Variants in WDR17 observed in about 807,000 individuals in gnomAD.
WDR17 encodes the protein WD repeat domain 17.
In WDR17, 143 loss-of-function variants were observed where a neutral mutation model predicts 161.7. That is an observed-to-expected ratio of 0.88 (90% confidence interval 0.77 to 1.02). The LOEUF (loss-of-function observed/expected upper bound fraction) is 1.02, where lower values mean the gene tolerates loss of function less well. WDR17 is among the 50% of genes least tolerant of loss of function. The pLI is 0.00. For missense variants in WDR17, 1,469 were observed against 1,520.9 expected, an observed-to-expected ratio of 0.97 and a Z score of 0.57; for synonymous variants, 517 against 515.6, an observed-to-expected ratio of 1.00 and a Z score of -0.04.
intron 7 of WDR17, among the ~76,000 whole-genome samples, chr4:176,133,272 A>AAAG (rs1448749479): frequency 7.1e-5 from 9 of 127,432 alleles, no homozygotes; most frequent in Admixed American, 2.3e-4. Context: ...AAAAAAAAAA[A>AAAG]AAGAAGAAGA....
At chr4:176,148,516 T>G (rs1746563885) in intron 13 of WDR17, among the ~76,000 whole-genome samples, 181 bp downstream of exon 13, 1 of 152,206 alleles carries the variant, frequency 6.6e-6, no homozygotes, top group South Asian at 2.1e-4. Context: ...GAAGAAAAAG[T>G]CAACAAAAAT....
At chr4:176,171,564 G>A (rs184773412) in intron 23 of WDR17, among the ~76,000 whole-genome samples, 9 of 152,216 alleles carry the variant, frequency 5.9e-5, no homozygotes, top group Non-Finnish European at 1.0e-4. Context: ...AATTTGAAAT[G>A]ATTAAATGAA....
At chr4:176,179,311 AAAC>A (rs1173357697) in intron 28 of WDR17, 146 bp from the exon 29 acceptor site, 12 of 899,776 alleles carry the variant, frequency 1.3e-5, no homozygotes, top group Non-Finnish European at 1.8e-5. Context: ...CAGCTCAAAA[AAAC>A]TAATTTTCTC....
intron 5 of WDR17, among the ~76,000 whole-genome samples, chr4:176,127,796 C>A (rs1405360431): frequency 6.6e-6 from 1 of 152,160 alleles, no homozygotes; most frequent in Non-Finnish European, 1.5e-5. Flanking sequence ...TCCATTACTG[C>A]CTCCCTACAG....
chr4:176,169,880 T>C (rs1391345518), intron 23 of WDR17, among the ~76,000 whole-genome samples: 35 of 152,216 alleles, frequency 2.3e-4, no homozygotes, highest in Admixed American at 2.3e-3. Context: ...CACCTTGTAG[T>C]CTGTGAATTA....
chr4:176,104,037 A>T (rs1738273597), intron 1 of WDR17, among the ~76,000 whole-genome samples: 1 of 152,126 alleles, frequency 6.6e-6, no homozygotes, highest in South Asian at 2.1e-4. Context: ...ACACATACAT[A>T]CAGGGATCCT....
At position 176,163,315 on chromosome 4, in the gene WDR17, G is replaced by A. The variant is rs1361529563; in HGVS notation, c.2990+22G>A. On this transcript the variant is annotated intron_variant, in intron 22 of 28. Coordinates refer to ENST00000508596, the MANE Select transcript of WDR17 (RefSeq NM_181265.4). ...TATGGTAAGAATTTTGAAATTCAAA[G>A]AATAATTTCATAGTGATGGAATACA... 2.5e-6 allele frequency: 4 copies of A among 1,582,404 alleles called. No homozygotes were observed. The South Asian group carries it at 4.7e-5, about 18-fold the overall frequency.
chr4:176,122,921 G>T (rs1457603943), intron 4 of WDR17, among the ~76,000 whole-genome samples: 1 of 152,146 alleles, frequency 6.6e-6, no homozygotes, highest in African/African-American at 2.4e-5. Context: ...AGATGATCCA[G>T]CTGAGCTTTA....
At position 176,177,780 on chromosome 4, in the gene WDR17, A is replaced by G. The variant is rs939823737; in HGVS notation, c.3732+126A>G. ...TTTAGGACTGGGGTCCAGTAAGGAA[A>G]TATTACCTCTAGTGCTTCCATAGTT... On this transcript the variant is annotated intron_variant, in intron 28 of 28. Coordinates refer to ENST00000508596, the MANE Select transcript of WDR17 (RefSeq NM_181265.4). The G allele has an allele frequency of 4.7e-6, 4 of 858,310 alleles. No individual in the cohort carries two copies. In the African/African-American group the frequency reaches 7.0e-5, roughly 15 times the overall value. 53.2% of individuals were successfully genotyped at this position (858,310 alleles called of 1,614,324 possible). A position where few individuals can be genotyped will look rare whatever the true frequency, so the allele number is the denominator to read the frequency against.
chr4:176,162,177 A>C lies in WDR17; in HGVS notation c.2850+3A>C. 1 of 1,610,666 alleles carries C rather than the reference A, an allele frequency of 6.2e-7. No individual in the cohort carries two copies. The highest frequency in any genetic ancestry group is 8.5e-7 in the Non-Finnish European group (1 of 1,178,518). On this transcript the variant is annotated splice_donor_region_variant and intron_variant, in intron 21 of 28. Transcript: ENST00000508596. ...ATCTTGCCATAGATAATATTGAGGT[A>C]CGACATTTAAAACTGGTTTATGTGA... is the stretch of plus-strand genomic sequence containing the variant.
intron 2 of WDR17, among the ~76,000 whole-genome samples, 191 bp from the exon 3 acceptor site, chr4:176,115,604 GT>G (rs1017284522): frequency 1.1e-4 from 16 of 150,126 alleles, no homozygotes; most frequent in Non-Finnish European, 1.9e-4. Flanking sequence ...AGTTTTTAAT[GT>G]TTTTTTTTAG....
At position 176,180,742 on chromosome 4, in the gene WDR17, T is replaced by C. The variant is rs888934474; in HGVS notation, c.*1163T>C. On this transcript the variant is annotated 3_prime_UTR_variant, in exon 29 of 29. Transcript: ENST00000508596. ...CAAACCAACAAAAACCACAATTGAT[T>C]TGATGAAAATTAGTTTTAAGTAAAT... The C allele has an allele frequency of 1.3e-5, 2 of 152,112 alleles. No homozygotes were observed. Among genetic ancestry groups the C allele is most frequent in the Non-Finnish European group, 2.9e-5 (2 of 67,996 alleles). The allele number at this position is 152,112 out of a possible 1,614,324, so 9.4% of individuals were successfully genotyped here.
At chr4:176,157,958 CTG>C (rs1748419243) in intron 18 of WDR17, among the ~76,000 whole-genome samples, 1 of 152,122 alleles carries the variant, frequency 6.6e-6, no homozygotes, top group Admixed American at 6.5e-5. Flanking sequence ...TACAGGAACT[CTG>C]TGAAAGGAGG....
At chr4:176,106,007 T>C (rs1464329761) in intron 1 of WDR17, among the ~76,000 whole-genome samples, 1 of 151,988 alleles carries the variant, frequency 6.6e-6, no homozygotes, top group African/African-American at 2.4e-5. Context: ...CTACAGATTA[T>C]AAAGAAATTA....
At chr4:176,120,508 A>G (rs1741413442) in intron 4 of WDR17, among the ~76,000 whole-genome samples, 1 of 151,970 alleles carries the variant, frequency 6.6e-6, no homozygotes, top group Admixed American at 6.6e-5. Flanking sequence ...TCTGCTTGTA[A>G]AAATACCATT....
intron 1 of WDR17, among the ~76,000 whole-genome samples, chr4:176,075,011 TG>T (rs1733786991): frequency 6.6e-6 from 1 of 151,964 alleles, no homozygotes; most frequent in South Asian, 2.1e-4. Context: ...GTTTTTAATG[TG>T]TATGTGTATA....
chr4:176,098,813 C>T (rs957799389), intron 1 of WDR17, among the ~76,000 whole-genome samples: 1 of 151,496 alleles, frequency 6.6e-6, no homozygotes, highest in African/African-American at 2.4e-5. Context: ...TAAAAAATAT[C>T]TATTTTTTTT....
intron 3 of WDR17, among the ~76,000 whole-genome samples, chr4:176,117,660 A>G (rs1335348273): frequency 1.3e-5 from 2 of 152,096 alleles, no homozygotes; most frequent in Non-Finnish European, 1.5e-5. Flanking sequence ...GTCACTGGAT[A>G]TACAACTAAA....
intron 17 of WDR17, among the ~76,000 whole-genome samples, chr4:176,153,027 A>C (rs979552277): frequency 1.3e-5 from 2 of 151,108 alleles, no homozygotes; most frequent in Non-Finnish European, 3.0e-5. Flanking sequence ...TAGTTATCAA[A>C]GTGTTCCAGG....
Sources: gnomAD v4.1 joint callset for allele counts (sites outside exome capture counted in the v4.1 genomes callset) on GRCh38, gnomAD v4.1.1 for gene constraint, MANE v1.5 for transcripts, NCBI Gene and HGNC (gene_info 2026-07-23, HGNC 2026-07-21) for gene names.